Variants in GUCD1 observed in about 807,000 individuals in gnomAD.
GUCD1 encodes protein GUCD1.
Under a neutral mutation model 28.3 loss-of-function variants are expected in GUCD1, and 17 were observed. The observed-to-expected ratio is 0.60, with a 90% CI of 0.41 to 0.90. The LOEUF (loss-of-function observed/expected upper bound fraction) is 0.90, where lower values mean the gene tolerates loss of function less well. Ranked by LOEUF, GUCD1 falls within the 40% of genes least tolerant of loss-of-function variation. The pLI is 0.00. For synonymous variants in GUCD1, 129 were observed against 123.3 expected, an observed-to-expected ratio of 1.05 and a Z score of -0.30; for missense variants, 279 against 305.5, an observed-to-expected ratio of 0.91 and a Z score of 0.65.
chr22:24,550,256 T>G (rs1415313158), intron 1 of GUCD1, among the ~76,000 whole-genome samples: 2 of 152,222 alleles, frequency 1.3e-5, no homozygotes, highest in Non-Finnish European at 2.9e-5. Context: ...AAGTGCCTGG[T>G]GTGTGTACTG....
At chr22:24,555,887 G>T, upstream of GUCD1, 1 of 1,502,824 alleles carries the variant, frequency 6.7e-7, no homozygotes, top group Non-Finnish European at 8.9e-7. Flanking sequence ...GCCGGCAGGC[G>T]GAGTGAGGAG....
chr22:24,549,449 T>C (rs5760471), intron 1 of GUCD1, among the ~76,000 whole-genome samples: 147,564 of 152,222 alleles, frequency 0.97, 71,644 homozygotes, highest in Non-Finnish European at 1. Flanking sequence ...CACATGTGCA[T>C]TCACTTCCCA....
rs1601541822 is a variant in GUCD1, at chr22:24,547,051, T to C, written c.295-46A>G. 13 of 1,413,506 alleles carry C rather than the reference T, an allele frequency of 9.2e-6. No homozygotes were observed. The East Asian group carries it at 3.0e-4, about 32-fold the overall frequency. 87.6% of individuals were successfully genotyped at this position (1,413,506 alleles called of 1,614,324 possible). On this transcript the variant is annotated intron_variant, in intron 3 of 5. Coordinates refer to ENST00000435822, the MANE Select transcript of GUCD1 (RefSeq NM_001284254.2). ...TGGAGTGGCCACCACCCAGGCTGCC[T>C]TCACTCCATTTAGATGAAGGAAATA...
intron 1 of GUCD1, among the ~76,000 whole-genome samples, chr22:24,552,304 GA>G (rs1278352577): frequency 6.6e-6 from 1 of 151,874 alleles, no homozygotes; most frequent in Non-Finnish European, 1.5e-5. Context: ...CTCCAAAAAA[GA>G]AAAAAAGAAA....
At chr22:24,546,052 C>A (rs922123603) in intron 4 of GUCD1, among the ~76,000 whole-genome samples, 1 of 151,956 alleles carries the variant, frequency 6.6e-6, no homozygotes, top group Admixed American at 6.6e-5. Context: ...AGCTCCGCCT[C>A]CTGGGTTCAG....
chr22:24,544,585 G>A (rs1486335374), intron 4 of GUCD1, among the ~76,000 whole-genome samples: 1 of 152,182 alleles, frequency 6.6e-6, no homozygotes, highest in Non-Finnish European at 1.5e-5. Context: ...AGAAGGGGCT[G>A]CCCAGGAAGG....
chr22:24,546,363 A>G (rs559248415), intron 4 of GUCD1, among the ~76,000 whole-genome samples: 3 of 152,368 alleles, frequency 2.0e-5, no homozygotes, highest in South Asian at 4.1e-4. Flanking sequence ...GAGCCTGTCC[A>G]GGACCTAGAG....
At chr22:24,552,940 T>C (rs966518154) in intron 1 of GUCD1, among the ~76,000 whole-genome samples, 2 of 152,110 alleles carry the variant, frequency 1.3e-5, no homozygotes, top group Non-Finnish European at 2.9e-5. Flanking sequence ...GCTGGAACTA[T>C]GGGCACACGC....
At chr22:24,547,124 A>C (rs1185172695) in intron 3 of GUCD1, 119 bp from the exon 4 acceptor site, 23 of 758,176 alleles carry the variant, frequency 3.0e-5, no homozygotes, top group Non-Finnish European at 6.9e-6. Context: ...GAGGAGCCCC[A>C]CCTGCCAGGG....
In GUCD1 at chr22:24,542,929, TGGGCCAGGGCATCCTGAGC is replaced by T; in HGVS notation, c.*58_*76del. On this transcript the variant is annotated 3_prime_UTR_variant, in exon 6 of 6. Coordinates refer to ENST00000435822, the MANE Select transcript of GUCD1 (RefSeq NM_001284254.2). ...ATTCCAACCCCAGCAGCCCCAAGCCTGGGCCAGGGCATCCTGAGCGGGCCCGGCTGGGGTGGGGATGGGG... is the reference window on the plus strand; with the variant it reads ...ATTCCAACCCCAGCAGCCCCAAGCCTGGGCCCGGCTGGGGTGGGGATGGGG... 9.6e-7 allele frequency: 1 copy of T among 1,040,178 alleles called. No individual in the cohort carries two copies. Among genetic ancestry groups the T allele is most frequent in the Non-Finnish European group, 1.5e-6 (1 of 660,434 alleles). 64.4% of individuals were successfully genotyped at this position (1,040,178 alleles called of 1,614,324 possible).
Position 24,541,628 on chromosome 22 carries a change from CA to C in GUCD1, c.*1377del, listed in dbSNP as rs5844595. On this transcript the variant is annotated 3_prime_UTR_variant, in exon 6 of 6. Coordinates refer to ENST00000435822, the MANE Select transcript of GUCD1 (RefSeq NM_001284254.2). ...TGGGCAACAGAGTGAGTCTCCGTCT[CA>C]AAAAAAAAAAAAAAAATCCATTTCC... 0.016 allele frequency: 2,109 copies of C among 134,172 alleles called. 22 individuals are homozygous for C. The highest frequency in any genetic ancestry group is 0.028 in the African/African-American group (973 of 35,140). The allele number at this position is 134,172 out of a possible 1,614,324, so 8.3% of individuals were successfully genotyped here.
chr22:24,547,125 C>T lies in GUCD1; in HGVS notation c.295-120G>A, dbSNP rs528621120. 62 of 747,698 alleles carry T rather than the reference C, an allele frequency of 8.3e-5. No homozygotes were observed. In the East Asian group the frequency reaches 1.5e-3, roughly 18 times the overall value. The allele number at this position is 747,698 out of a possible 1,614,324, so 46.3% of individuals were successfully genotyped here. A position where few individuals can be genotyped will look rare whatever the true frequency, so the allele number is the denominator to read the frequency against. ...ACAGCAGGAGGGCAGAGGAGCCCCA[C>T]CTGCCAGGGCAGACGGTACATGCAG... On this transcript the variant is annotated intron_variant, in intron 3 of 5. Transcript: ENST00000435822.
At chr22:24,544,176 A>G (rs1454095614) in intron 4 of GUCD1, 93 bp from the exon 5 acceptor site, 9 of 1,521,852 alleles carry the variant, frequency 5.9e-6, no homozygotes, top group Non-Finnish European at 8.0e-6. Flanking sequence ...TCTGTTACAA[A>G]GCTTGGGGAT....
chr22:24,543,230 T>C (rs1288112200), intron 5 of GUCD1, 133 bp from the exon 6 acceptor site: 1 of 670,858 alleles, frequency 1.5e-6, no homozygotes, highest in African/African-American at 1.8e-5. Context: ...ACTCAAGTCC[T>C]CCACCCCCAG....
chr22:24,542,638 G>C lies in GUCD1; in HGVS notation c.*368C>G, dbSNP rs1183537547. On this transcript the variant is annotated 3_prime_UTR_variant, in exon 6 of 6. Coordinates refer to ENST00000435822, the MANE Select transcript of GUCD1 (RefSeq NM_001284254.2). ...TGTCCTGACAAGTGGCATCCGTCAA[G>C]CAACTTCTCTCTCCAGGCTCAGTCC... 2.6e-5 allele frequency: 7 copies of C among 264,842 alleles called. No individual in the cohort carries two copies. The highest frequency in any genetic ancestry group is 1.6e-4 in the South Asian group (4 of 24,260). The allele number at this position is 264,842 out of a possible 1,614,324, so 16.4% of individuals were successfully genotyped here.
rs996709055 is a variant in GUCD1 at position 24,541,644 on chromosome 22, A to T, written c.*1362T>A. On this transcript the variant is annotated 3_prime_UTR_variant, in exon 6 of 6. Coordinates refer to ENST00000435822, the MANE Select transcript of GUCD1 (RefSeq NM_001284254.2). Reference sequence around the variant, plus strand: ...TCTCCGTCTCAAAAAAAAAAAAAAAAATCCATTTCCTTTAGTTTTTTAGGT... The same window carrying T: ...TCTCCGTCTCAAAAAAAAAAAAAAATATCCATTTCCTTTAGTTTTTTAGGT... 1.3e-5 allele frequency: 2 copies of T among 151,364 alleles called. No homozygotes were observed. Among genetic ancestry groups the T allele is most frequent in the African/African-American group, 2.4e-5 (1 of 41,150 alleles). The allele number at this position is 151,364 out of a possible 1,614,324, so 9.4% of individuals were successfully genotyped here. A position where few individuals can be genotyped will look rare whatever the true frequency, so the allele number is the denominator to read the frequency against.
At chr22:24,554,358 G>C (rs2044970935) in intron 1 of GUCD1, among the ~76,000 whole-genome samples, 1 of 152,226 alleles carries the variant, frequency 6.6e-6, no homozygotes, top group African/African-American at 2.4e-5. Flanking sequence ...CCCACATGCT[G>C]TTGACCTCTT....
At chr22:24,555,391 A>G, upstream of GUCD1, 1 of 1,191,284 alleles carries the variant, frequency 8.4e-7, no homozygotes, top group East Asian at 3.0e-5. Context: ...AAGCTCGTGC[A>G]TTTCCTGAAT....
In GUCD1 at chr22:24,543,852, G is replaced by A. The variant is rs2147069309; in HGVS notation, c.618C>T (p.Ala206=). 5 of 1,614,020 alleles carry A rather than the reference G, an allele frequency of 3.1e-6. No individual in the cohort carries two copies. Among genetic ancestry groups the A allele is most frequent in the East Asian group, 2.2e-5 (1 of 44,880 alleles). The change falls in exon 5 of 6, where the codon GCC becomes GCT. Residue 206 remains alanine (A), a synonymous_variant. Transcript: ENST00000435822. ...CCACCCAGCACTCACGGTCGGCATA[G>A]GCTGGGTTGTTGTAGAAGATGCAGC... The part of the protein sequence containing the change: ...ATGCIFYNNP[A]YADRMCSTSI...
Sources: allele counts gnomAD v4.1 joint callset (sites outside exome capture counted in the v4.1 genomes callset), GRCh38; gene constraint gnomAD v4.1.1; transcripts MANE v1.5; gene names NCBI Gene and HGNC (gene_info 2026-07-23, HGNC 2026-07-21).